The following CORIN variants were observed in gnomAD, a reference collection of about 807,000 sequenced individuals.
CORIN encodes corin, serine peptidase.
A neutral mutation model predicts 125.3 loss-of-function variants in CORIN; 117 were observed. The observed-to-expected ratio is 0.93, with a 90% CI of 0.80 to 1.09. The LOEUF is 1.09. Ranked by LOEUF, CORIN falls within the 50% of genes least tolerant of loss-of-function variation. CORIN has a pLI of 0.00. For synonymous variants in CORIN, 450 were observed against 466.4 expected (o/e 0.96, Z 0.45); for missense variants, 1,253 against 1,306.7 (o/e 0.96, Z 0.63).
intron 3 of CORIN, among the ~76,000 whole-genome samples, chr4:47,764,159 G>A (rs773375223): frequency 2.0e-5 from 3 of 152,084 alleles, no homozygotes; most frequent in Non-Finnish European, 4.4e-5. Flanking sequence ...TAATCACAAC[G>A]GATGATGCTC....
intron 13 of CORIN, among the ~76,000 whole-genome samples, chr4:47,652,996 C>T (rs928469460): frequency 6.6e-6 from 1 of 152,098 alleles, no homozygotes; most frequent in Non-Finnish European, 1.5e-5. Context: ...TAGTAGTGCC[C>T]CTCCACCCTT....
chr4:47,782,925 CT>C (rs139220216), intron 3 of CORIN, among the ~76,000 whole-genome samples: 2,039 of 145,368 alleles, frequency 0.014, 55 homozygotes, highest in African/African-American at 0.044. Flanking sequence ...GGGAATATGC[CT>C]TTTTTTTTTG....
At chr4:47,647,064 G>T (rs545149647) in intron 13 of CORIN, among the ~76,000 whole-genome samples, 1 of 152,262 alleles carries the variant, frequency 6.6e-6, no homozygotes, top group African/African-American at 2.4e-5. Context: ...ATCCGGGGGG[G>T]TCTTAGGCCC....
chr4:47,646,840 CT>C (rs1348213702), intron 13 of CORIN, among the ~76,000 whole-genome samples: 1 of 152,142 alleles, frequency 6.6e-6, no homozygotes, highest in East Asian at 1.9e-4. Flanking sequence ...TTCATCTAAC[CT>C]ACTACAAATA....
At chr4:47,753,723 G>T (rs1729011245) in intron 4 of CORIN, among the ~76,000 whole-genome samples, 1 of 151,960 alleles carries the variant, frequency 6.6e-6, no homozygotes, top group Admixed American at 6.6e-5. Flanking sequence ...ATCTTCCCTT[G>T]TTCCCTGAAA....
chr4:47,798,569 CA>C (rs2109937349), intron 2 of CORIN, among the ~76,000 whole-genome samples: 1 of 152,226 alleles, frequency 6.6e-6, no homozygotes, highest in Non-Finnish European at 1.5e-5. Flanking sequence ...TTGCTCATTA[CA>C]ACAACAAACA....
At chr4:47,749,079 A>G (rs1728785719) in intron 4 of CORIN, among the ~76,000 whole-genome samples, 1 of 152,138 alleles carries the variant, frequency 6.6e-6, no homozygotes. Context: ...ATCTTTAAAT[A>G]TTATTAGGAG....
At chr4:47,747,098 G>A (rs1296898892) in intron 4 of CORIN, among the ~76,000 whole-genome samples, 1 of 152,018 alleles carries the variant, frequency 6.6e-6, no homozygotes, top group East Asian at 1.9e-4. Context: ...GGGTCCCAAT[G>A]CCCTTGTGAT....
chr4:47,758,286 G>A (rs1729285148), intron 4 of CORIN, among the ~76,000 whole-genome samples: 2 of 151,868 alleles, frequency 1.3e-5, no homozygotes, highest in South Asian at 4.2e-4. Context: ...ACAAGGAAGT[G>A]AAAGATCTCT....
At chr4:47,696,161 G>A (rs918778019) in intron 5 of CORIN, among the ~76,000 whole-genome samples, 1 of 152,140 alleles carries the variant, frequency 6.6e-6, no homozygotes, top group Non-Finnish European at 1.5e-5. Context: ...CACCCTGAGA[G>A]AGCTCTTATC....
intron 10 of CORIN, among the ~76,000 whole-genome samples, chr4:47,667,623 T>A (rs1034038933): frequency 2.0e-5 from 3 of 152,100 alleles, no homozygotes; most frequent in African/African-American, 4.8e-5. Flanking sequence ...TCCGAGGATA[T>A]CACAGATATT....
intron 3 of CORIN, among the ~76,000 whole-genome samples, chr4:47,775,745 T>C: frequency 6.6e-6 from 1 of 152,154 alleles, no homozygotes; most frequent in East Asian, 1.9e-4. Flanking sequence ...GTTTGATGTG[T>C]CCCCAGGCAT....
chr4:47,760,941 G>A (rs1332269687), intron 4 of CORIN, among the ~76,000 whole-genome samples: 1 of 152,190 alleles, frequency 6.6e-6, no homozygotes, highest in African/African-American at 2.4e-5. Context: ...ATCTCTGCTA[G>A]CATCAAACTT....
In CORIN at chr4:47,807,032, C is replaced by T. The variant is rs1167231968; in HGVS notation, c.79G>A (p.Asp27Asn). The T allele has an allele frequency of 2.5e-6, 4 of 1,611,800 alleles. No individual in the cohort carries two copies. The Admixed American group carries it at 6.7e-5, about 27-fold the overall frequency. The change falls in exon 2 of 22, where the codon GAC becomes AAC. Residue 27 changes from aspartate to asparagine, a missense_variant. Asp to Asn is a conservative substitution (Grantham distance 23). Transcript: ENST00000273857. ...GSPKPVLRAD[D>N]NNMGNGCSQK... Reference sequence around the variant, plus strand: ...GAGCAGCCATTGCCCATGTTATTGTCATCAGCTCTCAAGACCTAAAGTAAA... The same window carrying T: ...GAGCAGCCATTGCCCATGTTATTGTTATCAGCTCTCAAGACCTAAAGTAAA...
chr4:47,604,286 G>T (rs1721561979), intron 19 of CORIN, among the ~76,000 whole-genome samples: 1 of 151,940 alleles, frequency 6.6e-6, no homozygotes, highest in Non-Finnish European at 1.5e-5. Flanking sequence ...TTTCTTCTGG[G>T]TTCTCCTCTT....
chr4:47,667,555 A>G (rs913202736), intron 10 of CORIN, among the ~76,000 whole-genome samples: 2 of 152,234 alleles, frequency 1.3e-5, no homozygotes, highest in Non-Finnish European at 2.9e-5. Flanking sequence ...ATAGATTTGC[A>G]ATAAGGACTG....
At position 47,665,243 on chromosome 4, in the gene CORIN, A is replaced by G. The variant is rs1407263029; in HGVS notation, c.1378T>C (p.Leu460=). The G allele has an allele frequency of 1.2e-6, 2 of 1,613,432 alleles. No individual in the cohort carries two copies. Among genetic ancestry groups the G allele is most frequent in the East Asian group, 2.2e-5 (1 of 44,866 alleles). The change falls in exon 11 of 22, where the codon TTG becomes CTG. Residue 460 remains leucine (L), a synonymous_variant. Transcript: ENST00000273857. ...NNCSQCEPIT[L]ELCMNLPYNS... ...TAGGGCAAATTCATGCAGAGTTCCA[A>G]TGTAATTGGTTCACATTGACCTAAC...
At position 47,764,842 on chromosome 4, in the gene CORIN, A is replaced by C. The variant is rs1156347028; in HGVS notation, c.410-1256T>G. On this transcript the variant is annotated intron_variant, in intron 3 of 21. Coordinates refer to ENST00000273857, the MANE Select transcript of CORIN (RefSeq NM_006587.4). ...TGTAATACACCTGTATATTTTGACC[A>C]CACCTTTTTATCAGTTTTAATTACA... Among the ~76,000 whole-genome samples the C allele has an allele frequency of 2.0e-5, 3 of 152,160 alleles. No homozygotes were observed. In the East Asian group the frequency reaches 5.8e-4, roughly 29 times the overall value.
At chr4:47,600,566 T>G (rs1721412556) in intron 20 of CORIN, among the ~76,000 whole-genome samples, 1 of 152,182 alleles carries the variant, frequency 6.6e-6, no homozygotes, top group Admixed American at 6.5e-5. Flanking sequence ...TGAAACTCCT[T>G]TATTTTATTA....
Sources: gnomAD v4.1 joint callset for allele counts (sites outside exome capture counted in the v4.1 genomes callset) on GRCh38, gnomAD v4.1.1 for gene constraint, MANE v1.5 for transcripts, NCBI Gene and HGNC (gene_info 2026-07-23, HGNC 2026-07-21) for gene names.